CCDC150: variants seen among roughly 807,000 people sequenced by gnomAD.
CCDC150 encodes the protein coiled-coil domain containing 150, also known as coiled-coil domain-containing protein 150.
Under a neutral mutation model 156.5 loss-of-function variants are expected in CCDC150, and 151 were observed. The observed-to-expected ratio is 0.97, with a 90% CI of 0.85 to 1.10. The LOEUF (loss-of-function observed/expected upper bound fraction) is 1.10, where lower values mean the gene tolerates loss of function less well. Among genes scored for constraint, CCDC150 ranks in the 50% least tolerant of loss-of-function variants. CCDC150 has a pLI of 0.00. For synonymous variants in CCDC150, 452 were observed against 429.4 expected, an observed-to-expected ratio of 1.05 and a Z score of -0.65; for missense variants, 1,312 against 1,268.1, an observed-to-expected ratio of 1.03 and a Z score of -0.53.
intron 10 of CCDC150, among the ~76,000 whole-genome samples, chr2:196,675,086 T>G (rs1664714483): frequency 6.6e-6 from 1 of 152,134 alleles, no homozygotes; most frequent in African/African-American, 2.4e-5. Context: ...TATATAATCA[T>G]TATGCTGCAT....
At chr2:196,660,115 GTTCC>G (rs969307291) in intron 5 of CCDC150, among the ~76,000 whole-genome samples, 2 of 152,102 alleles carry the variant, frequency 1.3e-5, no homozygotes, top group African/African-American at 4.8e-5. Context: ...TGCGCTTAAA[GTTCC>G]TTCATGTTTT....
chr2:196,730,208 C>T, intron 25 of CCDC150, 90 bp downstream of exon 25: 1 of 1,097,024 alleles, frequency 9.1e-7, no homozygotes, highest in Non-Finnish European at 1.3e-6. Flanking sequence ...TTTCTAGAGT[C>T]TACAGAAGAC....
chr2:196,712,677 G>A lies in CCDC150; in HGVS notation c.1804G>A (p.Ala602Thr), dbSNP rs764561151. ...AGTATCTTTGTTTTTTGAATTAAAGGCAAACTCAGAACTCAGTGCCAAGAG... is the reference window on the plus strand; with the variant it reads ...AGTATCTTTGTTTTTTGAATTAAAGACAAACTCAGAACTCAGTGCCAAGAG... ...NKYLQTKYAQANSELSAKRVH... is the reference protein window; with the variant it reads ...NKYLQTKYAQTNSELSAKRVH... The change falls in exon 17 of 28, where the codon GCA (alanine) becomes ACA (threonine). Residue 602 changes from alanine to threonine, a missense_variant and splice_region_variant. Coordinates refer to ENST00000389175, the MANE Select transcript of CCDC150 (RefSeq NM_001080539.2). 6.2e-7 allele frequency: 1 copy of A among 1,607,406 alleles called. No homozygotes were observed. The highest frequency in any genetic ancestry group is 1.7e-5 in the Admixed American group (1 of 59,138).
intron 21 of CCDC150, among the ~76,000 whole-genome samples, chr2:196,723,329 C>T (rs1286996855): frequency 1.3e-5 from 2 of 152,058 alleles, no homozygotes; most frequent in Non-Finnish European, 2.9e-5. Flanking sequence ...GGTGAAACCC[C>T]ATCTCTACTA....
intron 13 of CCDC150, among the ~76,000 whole-genome samples, chr2:196,678,373 G>T (rs531537822): frequency 6.6e-5 from 10 of 152,300 alleles, no homozygotes; most frequent in Admixed American, 1.3e-4. Context: ...TTTAAGGATT[G>T]GAGAGAGGAG....
At chr2:196,719,787 A>G (rs1317679380) in intron 19 of CCDC150, 121 bp downstream of exon 19, 2 of 607,080 alleles carry the variant, frequency 3.3e-6, no homozygotes, top group Non-Finnish European at 5.1e-6. Context: ...TTGCAAAATG[A>G]TATGTTGAAA....
At chr2:196,695,220 C>A in intron 14 of CCDC150, 61 bp downstream of exon 14, 2 of 844,506 alleles carry the variant, frequency 2.4e-6, no homozygotes, top group Non-Finnish European at 3.9e-6. Context: ...GAAATAACAA[C>A]AACCAGAGGT....
chr2:196,644,640 C>G lies in CCDC150; in HGVS notation c.13-1701C>G, dbSNP rs138728825. 9.2e-5 allele frequency among the ~76,000 whole-genome samples: 14 copies of G among 152,104 alleles called. No homozygotes were observed. The East Asian group carries it at 2.7e-3, about 29-fold the overall frequency. ...TGCATCAATATCTGCATGTCTTTGT[C>G]TTTCCTTCAGGAATGAACTGAAAAA... is the stretch of plus-strand genomic sequence containing the variant. On this transcript the variant is annotated intron_variant, in intron 1 of 27. Transcript: ENST00000389175.
chr2:196,645,594 T>G (rs1475098356), intron 1 of CCDC150, among the ~76,000 whole-genome samples: 1 of 152,260 alleles, frequency 6.6e-6, no homozygotes, highest in Admixed American at 6.5e-5. Context: ...ATTTACACGT[T>G]GTGACCACAT....
chr2:196,650,202 CAT>C (rs1294107922), intron 2 of CCDC150, among the ~76,000 whole-genome samples: 3 of 152,116 alleles, frequency 2.0e-5, no homozygotes, highest in Non-Finnish European at 4.4e-5. Flanking sequence ...TATTATGAAA[CAT>C]TGTTGAATTT....
At chr2:196,729,720 A>T in intron 23 of CCDC150, 73 bp from the exon 24 acceptor site, 2 of 997,880 alleles carry the variant, frequency 2.0e-6, no homozygotes, top group Non-Finnish European at 1.5e-6. Flanking sequence ...TCTTTCTGTC[A>T]TCCTATAGGC....
intron 5 of CCDC150, among the ~76,000 whole-genome samples, chr2:196,660,580 A>C (rs562195649): frequency 1.3e-5 from 2 of 152,160 alleles, no homozygotes; most frequent in East Asian, 1.9e-4. Context: ...GAATCTTCTC[A>C]TGTGTTTATT....
At chr2:196,662,381 G>A (rs1693606325) in intron 5 of CCDC150, among the ~76,000 whole-genome samples, 1 of 152,144 alleles carries the variant, frequency 6.6e-6, no homozygotes, top group African/African-American at 2.4e-5. Context: ...GTTTTTCCAT[G>A]GGGTTGTGGG....
intron 17 of CCDC150, among the ~76,000 whole-genome samples, chr2:196,714,971 T>C (rs1253972435): frequency 3.3e-5 from 5 of 152,180 alleles, no homozygotes; most frequent in Non-Finnish European, 7.4e-5. Context: ...TTTTAAATGT[T>C]ACAGGTTCAA....
intron 21 of CCDC150, among the ~76,000 whole-genome samples, chr2:196,724,680 C>T (rs1698111825): frequency 6.6e-6 from 1 of 152,120 alleles, no homozygotes; most frequent in African/African-American, 2.4e-5. Context: ...GACTCCAAAA[C>T]TTATAGTCTT....
chr2:196,698,166 A>G (rs1342999297), intron 14 of CCDC150, among the ~76,000 whole-genome samples: 1 of 152,244 alleles, frequency 6.6e-6, no homozygotes, highest in Non-Finnish European at 1.5e-5. Flanking sequence ...TGATGAAAGT[A>G]CAGGGCCTAT....
rs966718441 is a variant in CCDC150 at position 196,681,140 on chromosome 2, C to A, written c.1509+3779C>A. 2.6e-5 allele frequency among the ~76,000 whole-genome samples: 4 copies of A among 152,176 alleles called. No individual in the cohort carries two copies. The East Asian group carries it at 5.8e-4, about 22-fold the overall frequency. On this transcript the variant is annotated intron_variant, in intron 13 of 27. Coordinates refer to ENST00000389175, the MANE Select transcript of CCDC150 (RefSeq NM_001080539.2). ...CCCTCCTTCTCCCAGCCCCTGACAA[C>A]AACTAGTTGACATTCTGTCTCTATG...
intron 7 of CCDC150, chr2:196,667,607 C>T (rs1159296768): frequency 1.3e-5 from 2 of 152,352 alleles, no homozygotes; most frequent in East Asian, 3.9e-4. Flanking sequence ...CAAAGCTATC[C>T]TTCCAGAGTT....
intron 1 of CCDC150, among the ~76,000 whole-genome samples, chr2:196,641,168 G>A (rs922647247): frequency 2.0e-5 from 3 of 151,580 alleles, no homozygotes; most frequent in African/African-American, 7.3e-5. Context: ...TTAGTGAGAC[G>A]GGGTTTCGCC....
Sources: gnomAD v4.1 joint callset for allele counts (sites outside exome capture counted in the v4.1 genomes callset) on GRCh38, gnomAD v4.1.1 for gene constraint, MANE v1.5 for transcripts, NCBI Gene and HGNC (gene_info 2026-07-23, HGNC 2026-07-21) for gene names.